The following ZBTB7C variants were observed in gnomAD, a reference collection of about 807,000 sequenced individuals.
The protein encoded by ZBTB7C is zinc finger and BTB domain containing 7C.
ZBTB7C carries 8 observed loss-of-function variants against 25.7 expected under a neutral mutation model. The observed-to-expected ratio is 0.31, with a 90% CI of 0.18 to 0.56. The LOEUF is 0.56. Ranked by LOEUF, ZBTB7C falls within the 20% of genes least tolerant of loss-of-function variation. ZBTB7C has a pLI of 0.91. For synonymous variants in ZBTB7C, 394 were observed against 369.0 expected, an observed-to-expected ratio of 1.07 and a Z score of -0.78; for missense variants, 824 against 855.2, an observed-to-expected ratio of 0.96 and a Z score of 0.46.
intron 3 of ZBTB7C, among the ~76,000 whole-genome samples, chr18:48,122,037 T>C (rs969532380): frequency 6.6e-6 from 1 of 152,136 alleles, no homozygotes; most frequent in Non-Finnish European, 1.5e-5. Context: ...TTCCTGCAGG[T>C]CTGGGGAGGA....
At chr18:48,182,200 T>C (rs988051448) in intron 3 of ZBTB7C, among the ~76,000 whole-genome samples, 1 of 152,176 alleles carries the variant, frequency 6.6e-6, no homozygotes, top group African/African-American at 2.4e-5. Context: ...CATTGCCTCA[T>C]GGGGGTGCCA....
intron 2 of ZBTB7C, among the ~76,000 whole-genome samples, chr18:48,284,994 T>C (rs1301284271): frequency 6.6e-6 from 1 of 152,190 alleles, no homozygotes; most frequent in African/African-American, 2.4e-5. Context: ...AGTTGCATGA[T>C]GGTAGAGAAT....
chr18:48,283,819 T>C (rs554268402), intron 2 of ZBTB7C, among the ~76,000 whole-genome samples: 9 of 152,244 alleles, frequency 5.9e-5, no homozygotes, highest in South Asian at 2.1e-4. Flanking sequence ...TCTGAAGATG[T>C]ATAAATATCA....
At chr18:48,386,291 G>A (rs943942823) in intron 1 of ZBTB7C, among the ~76,000 whole-genome samples, 6 of 152,346 alleles carry the variant, frequency 3.9e-5, no homozygotes, top group African/African-American at 1.2e-4. Flanking sequence ...GATGCTGAAA[G>A]GCAGAAATAA....
intron 2 of ZBTB7C, among the ~76,000 whole-genome samples, chr18:48,240,943 T>C (rs1210978101): frequency 6.6e-6 from 1 of 152,104 alleles, no homozygotes; most frequent in East Asian, 1.9e-4. Flanking sequence ...GTATCTGCTG[T>C]CTTCAAGAGA....
At chr18:48,135,308 T>G (rs1331903543) in intron 3 of ZBTB7C, among the ~76,000 whole-genome samples, 1 of 152,224 alleles carries the variant, frequency 6.6e-6, no homozygotes, top group Non-Finnish European at 1.5e-5. Flanking sequence ...TAATATTAAG[T>G]GTAACACATA....
intron 2 of ZBTB7C, among the ~76,000 whole-genome samples, chr18:48,247,078 G>T (rs935805868): frequency 2.0e-5 from 3 of 152,142 alleles, no homozygotes; most frequent in Non-Finnish European, 4.4e-5. Flanking sequence ...AGCAGGAAAA[G>T]CATCTTATAA....
intron 2 of ZBTB7C, among the ~76,000 whole-genome samples, chr18:48,327,252 A>T (rs897302455): frequency 1.3e-5 from 2 of 152,124 alleles, no homozygotes; most frequent in African/African-American, 2.4e-5. Flanking sequence ...GGCTATGCCC[A>T]CGTCTGCTCC....
At position 48,306,394 on chromosome 18, in the gene ZBTB7C, T is replaced by G. The variant is rs368911148; in HGVS notation, c.-79+31780A>C. Among the ~76,000 whole-genome samples, 9 of 152,304 alleles carry G rather than the reference T, an allele frequency of 5.9e-5. No homozygotes were observed. The East Asian group carries it at 9.6e-4, about 16-fold the overall frequency. On this transcript the variant is annotated intron_variant, in intron 2 of 4. Coordinates refer to ENST00000590800, the MANE Select transcript of ZBTB7C (RefSeq NM_001318841.2). ...GTGGTAAATATACACAACATCAAAT[T>G]TACCACTTTAAACATATGTAAGTGT...
At chr18:48,297,023 T>C (rs1290597831) in intron 2 of ZBTB7C, among the ~76,000 whole-genome samples, 2 of 152,064 alleles carry the variant, frequency 1.3e-5, no homozygotes, top group African/African-American at 4.8e-5. Flanking sequence ...TGATCTGAGG[T>C]GGAACAGTTT....
chr18:48,315,188 C>T (rs1198527172), intron 2 of ZBTB7C, among the ~76,000 whole-genome samples: 2 of 152,200 alleles, frequency 1.3e-5, no homozygotes, highest in Non-Finnish European at 2.9e-5. Flanking sequence ...ACCTAGAGAG[C>T]TGACCCTGAG....
intron 3 of ZBTB7C, among the ~76,000 whole-genome samples, chr18:48,091,568 T>C (rs115185510): frequency 0.011 from 1,622 of 152,216 alleles, 27 homozygotes; most frequent in African/African-American, 0.037. Flanking sequence ...ACTGTAAGCA[T>C]TTCCAGGGTG....
chr18:48,289,721 A>C (rs999985841), intron 2 of ZBTB7C, among the ~76,000 whole-genome samples: 1 of 152,208 alleles, frequency 6.6e-6, no homozygotes, highest in Non-Finnish European at 1.5e-5. Context: ...TCTAGGGCAC[A>C]TACAACCACA....
intron 3 of ZBTB7C, among the ~76,000 whole-genome samples, chr18:48,131,183 C>T (rs942642876): frequency 1.3e-5 from 2 of 152,228 alleles, no homozygotes; most frequent in African/African-American, 4.8e-5. Flanking sequence ...GGATTACAGG[C>T]GTGAGCCATG....
intron 3 of ZBTB7C, among the ~76,000 whole-genome samples, chr18:48,132,677 C>T (rs1006532849): frequency 6.6e-6 from 1 of 152,164 alleles, no homozygotes; most frequent in Non-Finnish European, 1.5e-5. Flanking sequence ...TAGAGGCAGC[C>T]TCTGCTAGAT....
chr18:48,307,205 A>G (rs576067832), intron 2 of ZBTB7C, among the ~76,000 whole-genome samples: 1 of 152,292 alleles, frequency 6.6e-6, no homozygotes, highest in African/African-American at 2.4e-5. Context: ...CTACTACTAT[A>G]AAACTAAGGG....
intron 3 of ZBTB7C, among the ~76,000 whole-genome samples, chr18:48,065,735 C>T (rs944561149): frequency 6.6e-6 from 1 of 152,154 alleles, no homozygotes; most frequent in African/African-American, 2.4e-5. Context: ...TGGTGTGAAG[C>T]AGCCTCCATG....
intron 3 of ZBTB7C, among the ~76,000 whole-genome samples, chr18:48,167,469 G>T (rs906346186): frequency 6.6e-6 from 1 of 152,120 alleles, no homozygotes; most frequent in South Asian, 2.1e-4. Flanking sequence ...TGGCACTAAG[G>T]TATGGGGGAC....
intron 2 of ZBTB7C, among the ~76,000 whole-genome samples, chr18:48,335,159 C>G (rs2046432548): frequency 6.6e-6 from 1 of 152,206 alleles, no homozygotes; most frequent in African/African-American, 2.4e-5. Flanking sequence ...TGCAAAGTGG[C>G]CCGGTTCTCA....
Sources: gnomAD v4.1 joint callset for allele counts (sites outside exome capture counted in the v4.1 genomes callset) on GRCh38, gnomAD v4.1.1 for gene constraint, MANE v1.5 for transcripts, NCBI Gene and HGNC (gene_info 2026-07-23, HGNC 2026-07-21) for gene names.